Variants in CACNA1B observed in about 807,000 individuals in gnomAD.
CACNA1B encodes the protein voltage-dependent N-type calcium channel subunit alpha-1B.
A neutral mutation model predicts 247.2 loss-of-function variants in CACNA1B; 70 were observed. The observed-to-expected ratio is 0.28, with a 90% CI of 0.23 to 0.35. The LOEUF (loss-of-function observed/expected upper bound fraction) is 0.35. Among genes scored for constraint, CACNA1B ranks in the 10% least tolerant of loss-of-function variants. The pLI is 1.00. For synonymous variants in CACNA1B, 1,231 were observed against 1,294.4 expected (o/e 0.95, Z 1.05); for missense variants, 2,367 against 3,197.4 (o/e 0.74, Z 6.26).
chr9:138,017,217 A>G (rs767139486), intron 18 of CACNA1B: 2 of 518,750 alleles, frequency 3.9e-6, no homozygotes, highest in African/African-American at 1.9e-5. Context: ...TCGCTCTGCT[A>G]CGATATTCCA....
rs912588892 is a variant in CACNA1B, at chr9:138,051,583, C to G, written c.3711-509C>G. ...TACTCTCCTTCCCCTCTTCTGTCTT[C>G]CCGCTGTCGGTTTCACGTCAGCGGG... On this transcript the variant is annotated intron_variant, in intron 24 of 46. Coordinates refer to ENST00000371372, the MANE Select transcript of CACNA1B (RefSeq NM_000718.4). The surrounding 1 kb of genome is among the most constrained non-coding windows in gnomAD (Gnocchi z 4.3). 3.3e-5 allele frequency among the ~76,000 whole-genome samples: 5 copies of G among 151,656 alleles called. No homozygotes were observed. The highest frequency in any genetic ancestry group is 3.3e-4 in the Admixed American group (5 of 15,194).
intron 36 of CACNA1B, among the ~76,000 whole-genome samples, chr9:138,091,454 T>A (rs1441285382): frequency 6.6e-6 from 1 of 152,136 alleles, no homozygotes; most frequent in Non-Finnish European, 1.5e-5. Context: ...ACAGGTGAAA[T>A]AAGTTTGAGT....
intron 37 of CACNA1B, among the ~76,000 whole-genome samples, chr9:138,096,990 T>G (rs1469917580): frequency 6.6e-6 from 1 of 151,398 alleles, no homozygotes; most frequent in African/African-American, 2.4e-5. Context: ...GGAGGGCTTG[T>G]GGGAGGGTGT....
chr9:137,906,167 C>T lies in CACNA1B; in HGVS notation c.531-7013C>T, dbSNP rs557595035. ...TGGGTCTACACAACTTTGAATTCTT[C>T]GTCAAAAAAGAAGAGATGTTTTCCG... On this transcript the variant is annotated intron_variant, in intron 3 of 46. Transcript: ENST00000371372. Among the ~76,000 whole-genome samples the T allele has an allele frequency of 1.6e-4, 24 of 152,202 alleles. No individual in the cohort carries two copies. In the South Asian group the frequency reaches 3.7e-3, roughly 24 times the overall value.
At position 137,986,833 on chromosome 9, in the gene CACNA1B, C is replaced by T. The variant is rs79042424; in HGVS notation, c.1953C>T (p.Ala651=). Reference sequence around the variant, plus strand: ...CAACCAACTTCGACACCTTCCCTGCCGCCATCCTCACTGTCTTCCAGGTAA... The same window carrying T: ...CAACCAACTTCGACACCTTCCCTGCTGCCATCCTCACTGTCTTCCAGGTAA... ...TPTTNFDTFP[A]AILTVFQILT... is the part of the protein sequence containing the mutation. Residue 651 remains alanine (A), a synonymous_variant, in exon 15 of 47, where the codon GCC becomes GCT. Transcript: ENST00000371372. The surrounding 1 kb of genome is among the most constrained non-coding windows in gnomAD (Gnocchi z 6.0). 1,037 of 1,613,790 alleles carry T rather than the reference C, an allele frequency of 6.4e-4. 2 individuals are homozygous for T. In the African/African-American group the frequency reaches 0.012, roughly 19 times the overall value.
At chr9:138,009,639 G>C (rs1958699513) in intron 16 of CACNA1B, among the ~76,000 whole-genome samples, 1 of 152,238 alleles carries the variant, frequency 6.6e-6, no homozygotes, top group Non-Finnish European at 1.5e-5. Flanking sequence ...GAGCACAGCA[G>C]GCAGACCATG....
In CACNA1B at chr9:138,023,818, C is replaced by T. The variant is rs1432488392; in HGVS notation, c.3068+7C>T. 2 of 1,318,860 alleles carry T rather than the reference C, an allele frequency of 1.5e-6. No individual in the cohort carries two copies. Among genetic ancestry groups the T allele is most frequent in the East Asian group, 2.5e-5 (1 of 39,578 alleles). The allele number at this position is 1,318,860 out of a possible 1,614,324, so 81.7% of individuals were successfully genotyped here. A position where few individuals can be genotyped will look rare whatever the true frequency, so the allele number is the denominator to read the frequency against. ...TCCGGAACCACCAGCCCCGGTGAGT[C>T]CGCGGCTGGGCGGGGTCAGGGAGGG... On this transcript the variant is annotated splice_region_variant and intron_variant, in intron 19 of 46. Coordinates refer to ENST00000371372, the MANE Select transcript of CACNA1B (RefSeq NM_000718.4).
At chr9:137,994,582 C>CAA (rs745849931) in intron 15 of CACNA1B, among the ~76,000 whole-genome samples, 1 of 152,148 alleles carries the variant, frequency 6.6e-6, no homozygotes, top group South Asian at 2.1e-4. Context: ...AGCTGAGAAT[C>CAA]AAATAAAGAA....
At position 138,078,117 on chromosome 9, in the gene CACNA1B, C is replaced by T. The variant is rs200540820; in HGVS notation, c.4953C>T (p.Ser1651=). 66 of 1,613,334 alleles carry T rather than the reference C, an allele frequency of 4.1e-5. No homozygotes were observed. The highest frequency in any genetic ancestry group is 3.3e-4 in the South Asian group (30 of 91,020). The change falls in exon 36 of 47, where the codon AGC becomes AGT. Residue 1651 remains serine, a synonymous_variant. Transcript: ENST00000371372. ...FLQALMLLFR[S]ATGEAWHEIM... is the part of the protein sequence containing the mutation. ...ACAACTCTGCCCTTCTTCTCAGGAGCGCCACGGGGGAGGCCTGGCACGAGA... is the reference window on the plus strand; with the variant it reads ...ACAACTCTGCCCTTCTTCTCAGGAGTGCCACGGGGGAGGCCTGGCACGAGA...
intron 36 of CACNA1B, among the ~76,000 whole-genome samples, chr9:138,093,099 A>G (rs1230738718): frequency 6.6e-6 from 1 of 152,208 alleles, no homozygotes; most frequent in African/African-American, 2.4e-5. Flanking sequence ...TAGAATTGGT[A>G]TTACTAAAGA....
rs1351617905 is a variant in CACNA1B, at chr9:138,123,828, G to A, written c.*1829G>A. On this transcript the variant is annotated 3_prime_UTR_variant, in exon 47 of 47. Transcript: ENST00000371372. ...ATTTTATTCCAATAGAATAAACCAG[G>A]AATCTCGGACTGTGCATGTGATCAC... 1 of 152,084 alleles carries A rather than the reference G, an allele frequency of 6.6e-6. No individual in the cohort carries two copies. The highest frequency in any genetic ancestry group is 6.6e-5 in the Admixed American group (1 of 15,262). 9.4% of individuals were successfully genotyped at this position (152,084 alleles called of 1,614,324 possible).
At chr9:138,066,399 A>C (rs181765207) in intron 31 of CACNA1B, among the ~76,000 whole-genome samples, 44 of 152,242 alleles carry the variant, frequency 2.9e-4, no homozygotes, top group Non-Finnish European at 5.9e-5. Flanking sequence ...GTGAGTTATG[A>C]TTGTACCACT....
At chr9:137,944,991 C>T (rs185234599) in intron 6 of CACNA1B, among the ~76,000 whole-genome samples, 1 of 152,240 alleles carries the variant, frequency 6.6e-6, no homozygotes, top group East Asian at 1.9e-4. Flanking sequence ...AGGGCAGGTT[C>T]CAGGACTTTT....
chr9:138,074,547 T>C (rs1189710074), intron 34 of CACNA1B, among the ~76,000 whole-genome samples: 1 of 152,184 alleles, frequency 6.6e-6, no homozygotes, highest in East Asian at 1.9e-4. Flanking sequence ...GGCCTAAACT[T>C]ACGTAACCCT....
Position 138,020,599 on chromosome 9 carries a change from G to C in CACNA1B, c.2268-2412G>C, listed in dbSNP as rs562908608. Among the ~76,000 whole-genome samples, 1 of 152,338 alleles carries C rather than the reference G, an allele frequency of 6.6e-6. No homozygotes were observed. Among genetic ancestry groups the C allele is most frequent in the East Asian group, 1.9e-4 (1 of 5,176 alleles). ...TGAGGGCAGATGCAGACAGTCTCTGGTGACGTTAGGGCTGACAGTGGCAGA... is the reference window on the plus strand; with the variant it reads ...TGAGGGCAGATGCAGACAGTCTCTGCTGACGTTAGGGCTGACAGTGGCAGA... On this transcript the variant is annotated intron_variant, in intron 18 of 46. Transcript: ENST00000371372. This position sits in a 1 kb window ranked among gnomAD's most constrained non-coding sequence, Gnocchi z 4.1.
chr9:138,078,223 T>C lies in CACNA1B; in HGVS notation c.5059T>C (p.Tyr1687His). ...TECGSDFAYF[Y>H]FVSFIFLCSF... is the part of the protein sequence containing the mutation. ...GTGTGGAAGTGACTTTGCCTACTTCTACTTCGTCTCCTTCATCTTCCTGTG... is the reference window on the plus strand; with the variant it reads ...GTGTGGAAGTGACTTTGCCTACTTCCACTTCGTCTCCTTCATCTTCCTGTG... The change falls in exon 36 of 47, where the codon TAC becomes CAC. Residue 1687 changes from tyrosine (Y) to histidine (H), a missense_variant. By Grantham distance (83) the Tyr-to-His change is moderately conservative. Coordinates refer to ENST00000371372, the MANE Select transcript of CACNA1B (RefSeq NM_000718.4). 1 of 1,613,992 alleles carries C rather than the reference T, an allele frequency of 6.2e-7. No homozygotes were observed. Among genetic ancestry groups the C allele is most frequent in the Non-Finnish European group, 8.5e-7 (1 of 1,179,860 alleles).
chr9:138,082,581 G>A (rs1234469804), intron 36 of CACNA1B, among the ~76,000 whole-genome samples: 2 of 151,306 alleles, frequency 1.3e-5, no homozygotes, highest in Non-Finnish European at 2.9e-5. Flanking sequence ...TTCCATTTAG[G>A]TTATAGTTCA....
intron 21 of CACNA1B, among the ~76,000 whole-genome samples, chr9:138,044,291 C>T (rs537258827): frequency 6.4e-4 from 98 of 152,244 alleles, no homozygotes; most frequent in Non-Finnish European, 1.1e-3. Flanking sequence ...CGTGTGTCCA[C>T]GCCTGTGCTT....
Position 138,007,426 on chromosome 9 carries a change from T to A in CACNA1B, c.2092+542T>A, listed in dbSNP as rs1279255015. Among the ~76,000 whole-genome samples, 1 of 151,248 alleles carries A rather than the reference T, an allele frequency of 6.6e-6. No homozygotes were observed. Among genetic ancestry groups the A allele is most frequent in the Non-Finnish European group, 1.5e-5 (1 of 67,950 alleles). Reference sequence around the variant, plus strand: ...GCTCTGCCCTAGCAAGGGACCATGATAGGGACAGGGCTGTGGCCAAGGAAG... The same window carrying A: ...GCTCTGCCCTAGCAAGGGACCATGAAAGGGACAGGGCTGTGGCCAAGGAAG... On this transcript the variant is annotated intron_variant, in intron 16 of 46. Transcript: ENST00000371372. This position sits in a 1 kb window ranked among gnomAD's most constrained non-coding sequence, Gnocchi z 4.1.
Sources: gnomAD v4.1 joint callset for allele counts (sites outside exome capture counted in the v4.1 genomes callset) on GRCh38, gnomAD v4.1.1 for gene constraint, Gnocchi (gnomAD v3.1) non-coding constraint, MANE v1.5 for transcripts, NCBI Gene and HGNC (gene_info 2026-07-23, HGNC 2026-07-21) for gene names.